The following OLFM1 variants were observed in gnomAD, a reference collection of about 807,000 sequenced individuals.
OLFM1 encodes the protein olfactomedin 1.
In OLFM1, 9 loss-of-function variants were observed where a neutral mutation model predicts 49.7. That is an observed-to-expected ratio of 0.18 (90% CI 0.11 to 0.32). The LOEUF is 0.32. OLFM1 is among the 10% of genes least tolerant of loss of function. OLFM1 has a pLI of 1.00. For synonymous variants in OLFM1, 240 were observed against 271.8 expected, an observed-to-expected ratio of 0.88 and a Z score of 1.15; for missense variants, 369 against 661.8, an observed-to-expected ratio of 0.56 and a Z score of 4.85.
In OLFM1 at chr9:135,117,928, T is replaced by G. The variant is rs1468130384; in HGVS notation, c.784-1576T>G. On this transcript the variant is annotated intron_variant, in intron 5 of 5. Transcript: ENST00000371793. This position sits in a 1 kb window ranked among gnomAD's most constrained non-coding sequence, Gnocchi z 5.5. ...TTCCCACTAGACCCTTTCTTCAAAC[T>G]GGGCCATCCTTTCTCTGATAGCACA... Among the ~76,000 whole-genome samples the G allele has an allele frequency of 6.6e-6, 1 of 152,256 alleles. No individual in the cohort carries two copies. Among genetic ancestry groups the G allele is most frequent in the African/African-American group, 2.4e-5 (1 of 41,474 alleles).
Position 135,117,675 on chromosome 9 carries a change from G to C in OLFM1, c.784-1829G>C, listed in dbSNP as rs566151131. Among the ~76,000 whole-genome samples the C allele has an allele frequency of 1.3e-5, 2 of 152,316 alleles. No individual in the cohort carries two copies. The highest frequency in any genetic ancestry group is 2.1e-4 in the South Asian group (1 of 4,822). ...GTGTATGACCCCCACTATGGGCCAG[G>C]CCCCTGGCTAGGGGTATGGCAGTGA... On this transcript the variant is annotated intron_variant, in intron 5 of 5. Transcript: ENST00000371793. The surrounding 1 kb of genome is among the most constrained non-coding windows in gnomAD (Gnocchi z 5.5).
At chr9:135,082,745 G>A (rs1005743639), upstream of OLFM1, among the ~76,000 whole-genome samples, 1 of 152,186 alleles carries the variant, frequency 6.6e-6, no homozygotes, top group Admixed American at 6.5e-5. Flanking sequence ...GACGGACCCA[G>A]GGGTGCTTTG....
At position 135,091,757 on chromosome 9, in the gene OLFM1, ACACT is replaced by A. The variant is rs796366981; in HGVS notation, c.300+1417_300+1420del. Reference sequence around the variant, plus strand: ...CACACACACCCACACATAGTCACACACACTCACACAGTCACACACACACTCACAC... The same window carrying A: ...CACACACACCCACACATAGTCACACACACACAGTCACACACACACTCACAC... On this transcript the variant is annotated intron_variant, in intron 2 of 5. Transcript: ENST00000371793. 1.0e-3 allele frequency among the ~76,000 whole-genome samples: 150 copies of A among 147,596 alleles called. 2 individuals are homozygous for A. The highest frequency in any genetic ancestry group is 3.2e-3 in the African/African-American group (130 of 40,616).
At chr9:135,076,776 C>T in intron 1 of OLFM1, 1 of 1,504,670 alleles carries the variant, frequency 6.6e-7, no homozygotes, top group South Asian at 1.3e-5. Context: ...TGCCCCTGAC[C>T]CTTCTTTCCT....
Position 135,116,035 on chromosome 9 carries a change from G to A in OLFM1, c.784-3469G>A, listed in dbSNP as rs1305036436. ...CAAGTGCTCAATCTCCCTAAAAGCC[G>A]GTACTGTATTTGGGGCCGCCTCCCC... On this transcript the variant is annotated intron_variant, in intron 5 of 5. Transcript: ENST00000371793. Among the ~76,000 whole-genome samples, 11 of 152,314 alleles carry A rather than the reference G, an allele frequency of 7.2e-5. No homozygotes were observed. In the East Asian group the frequency reaches 7.7e-4, roughly 11 times the overall value.
chr9:135,095,739 A>G, intron 2 of OLFM1, 125 bp from the exon 3 acceptor site: 1 of 964,204 alleles, frequency 1.0e-6, no homozygotes, highest in Non-Finnish European at 1.6e-6. Flanking sequence ...TAAATAATGC[A>G]TGGGCCACTT....
chr9:135,107,750 A>G (rs966982788), intron 5 of OLFM1, among the ~76,000 whole-genome samples: 3 of 152,178 alleles, frequency 2.0e-5, no homozygotes, highest in African/African-American at 4.8e-5. Context: ...TTAAAAACAA[A>G]CAACCCAGCT....
chr9:135,109,419 C>T (rs1830991213), intron 5 of OLFM1, among the ~76,000 whole-genome samples: 1 of 152,076 alleles, frequency 6.6e-6, no homozygotes, highest in Non-Finnish European at 1.5e-5. Flanking sequence ...GGAAAAGAGG[C>T]TCTGATGGTG....
At chr9:135,084,403 C>CCT (rs554195510), upstream of OLFM1, among the ~76,000 whole-genome samples, 448 of 147,498 alleles carry the variant, frequency 3.0e-3, 20 homozygotes, top group African/African-American at 0.011. This position sits in a 1 kb window ranked among gnomAD's most constrained non-coding sequence, Gnocchi z 4.6. Context: ...TATTATCTCT[C>CCT]CTCTCTGTCT....
intron 5 of OLFM1, among the ~76,000 whole-genome samples, chr9:135,116,692 C>G (rs1238870852): frequency 6.6e-6 from 1 of 151,874 alleles, no homozygotes; most frequent in African/African-American, 2.4e-5. Flanking sequence ...CAGTGAGCTC[C>G]CTGTCTGATG....
At chr9:135,087,066 G>C (rs1446337669), upstream of OLFM1, among the ~76,000 whole-genome samples, 1 of 152,222 alleles carries the variant, frequency 6.6e-6, no homozygotes, top group Non-Finnish European at 1.5e-5. Flanking sequence ...TGTCAGGAGT[G>C]CCGGTTGGCT....
intron 5 of OLFM1, among the ~76,000 whole-genome samples, chr9:135,111,268 C>T (rs570240640): frequency 1.6e-3 from 239 of 152,308 alleles, no homozygotes; most frequent in South Asian, 2.5e-3. Context: ...TTATCTTTTC[C>T]GGCAAAGAAA....
chr9:135,099,803 A>C (rs1203939732), intron 4 of OLFM1, among the ~76,000 whole-genome samples: 1 of 152,226 alleles, frequency 6.6e-6, no homozygotes, highest in Non-Finnish European at 1.5e-5. Context: ...GATCTCAGAC[A>C]GTCCCAGGAG....
In OLFM1 at chr9:135,117,870, TC is replaced by T. The variant is rs1352554556; in HGVS notation, c.784-1632del. ...TGTCCCATCCCAAATTCCCACTAGA[TC>T]CTTTCTTCAAACTGTGTGTTCCCAT... On this transcript the variant is annotated intron_variant, in intron 5 of 5. Coordinates refer to ENST00000371793, the MANE Select transcript of OLFM1 (RefSeq NM_001282611.2). This position sits in a 1 kb window ranked among gnomAD's most constrained non-coding sequence, Gnocchi z 5.5. Among the ~76,000 whole-genome samples the T allele has an allele frequency of 6.6e-6, 1 of 152,234 alleles. No individual in the cohort carries two copies. Among genetic ancestry groups the T allele is most frequent in the Non-Finnish European group, 1.5e-5 (1 of 68,042 alleles).
chr9:135,090,202 C>G lies in OLFM1; in HGVS notation c.158C>G (p.Pro53Arg), dbSNP rs1328254514. The G allele has an allele frequency of 6.2e-7, 1 of 1,607,554 alleles. No homozygotes were observed. Among genetic ancestry groups the G allele is most frequent in the South Asian group, 1.1e-5 (1 of 90,804 alleles). The part of the protein sequence containing the change: ...GTLDRSTGVL[P>R]TNPEESWQVY... The stretch of plus-strand genomic sequence containing the variant: ...CGCCCCGCCCCTCTCCAGGTGCTGC[C>G]CACCAACCCTGAGGAGAGCTGGCAG... Residue 53 changes from proline to arginine, a missense_variant, in exon 2 of 6, where the codon CCC becomes CGC. Physicochemically the swap from Pro to Arg is moderately radical, Grantham distance 103. This residue lies in a region of OLFM1 where 55 missense variants were observed against 53.3 expected (regional missense o/e 1.03). Transcript: ENST00000371793.
At chr9:135,090,474 C>T in intron 2 of OLFM1, 130 bp downstream of exon 2, 1 of 922,112 alleles carries the variant, frequency 1.1e-6, no homozygotes, top group Non-Finnish European at 1.6e-6. Flanking sequence ...TGACTCTTTC[C>T]TGGTTTGTCT....
chr9:135,082,171 G>A (rs1003734968), intron 1 of OLFM1, among the ~76,000 whole-genome samples: 1 of 152,206 alleles, frequency 6.6e-6, no homozygotes, highest in Non-Finnish European at 1.5e-5. Flanking sequence ...GTTAAAATCT[G>A]ATTGGAGAGT....
intron 5 of OLFM1, 54 bp from the exon 6 acceptor site, chr9:135,119,450 G>A: frequency 7.0e-7 from 1 of 1,423,696 alleles, no homozygotes; most frequent in Non-Finnish European, 9.5e-7. Flanking sequence ...TGGGTCTTTG[G>A]AGTACTCACT....
chr9:135,091,648 CAT>C (rs1358523918), intron 2 of OLFM1, among the ~76,000 whole-genome samples: 14 of 130,320 alleles, frequency 1.1e-4, no homozygotes, highest in African/African-American at 3.7e-4. Context: ...CACACACTCA[CAT>C]AGTCACACAC....
Sources: gnomAD v4.1 joint callset for allele counts (sites outside exome capture counted in the v4.1 genomes callset) on GRCh38, gnomAD v4.1.1 for gene constraint, gnomAD v4.1.1 regional missense constraint, Gnocchi (gnomAD v3.1) non-coding constraint, MANE v1.5 for transcripts, NCBI Gene and HGNC (gene_info 2026-07-23, HGNC 2026-07-21) for gene names.